The following CDC42BPB variants were observed in gnomAD, a reference collection of about 807,000 sequenced individuals.
The protein encoded by CDC42BPB is serine/threonine-protein kinase MRCK beta.
CDC42BPB carries 37 observed loss-of-function variants against 214.9 expected under a neutral mutation model. The ratio of observed to expected loss-of-function variants is 0.17; its 90% CI spans 0.13 to 0.23. CDC42BPB has a LOEUF of 0.23. Ranked by LOEUF, CDC42BPB falls within the 10% of genes least tolerant of loss-of-function variation. CDC42BPB has a pLI of 1.00. For synonymous variants in CDC42BPB, 931 were observed against 884.0 expected, an observed-to-expected ratio of 1.05 and a Z score of -0.94; for missense variants, 1,694 against 2,227.0, an observed-to-expected ratio of 0.76 and a Z score of 4.82.
At chr14:102,978,256 G>A (rs1255649664) in intron 8 of CDC42BPB, 51 bp from the exon 9 acceptor site, 4 of 1,602,932 alleles carry the variant, frequency 2.5e-6, no homozygotes, top group Admixed American at 1.7e-5. Context: ...AAACAAACAG[G>A]TAAAAAGAGG....
At position 102,997,873 on chromosome 14, in the gene CDC42BPB, G is replaced by A. The variant is rs981146982; in HGVS notation, c.596+1692C>T. Among the ~76,000 whole-genome samples the A allele has an allele frequency of 4.6e-5, 7 of 152,188 alleles. No homozygotes were observed. The East Asian group carries it at 5.8e-4, about 13-fold the overall frequency. ...ATCAGGATGACGTGGAGCCGGGCGC[G>A]GTGGCTCACGCCTGTAATCCCAGCA... On this transcript the variant is annotated intron_variant, in intron 5 of 36. Coordinates refer to ENST00000361246, the MANE Select transcript of CDC42BPB (RefSeq NM_006035.4).
chr14:102,987,726 A>AT (rs1180946686), intron 5 of CDC42BPB, among the ~76,000 whole-genome samples: 1 of 152,100 alleles, frequency 6.6e-6, no homozygotes, highest in Non-Finnish European at 1.5e-5. Flanking sequence ...AAAATAAAAT[A>AT]TCCTCAAATA....
chr14:102,999,891 G>A lies in CDC42BPB; in HGVS notation c.448-178C>T, dbSNP rs977823894. On this transcript the variant is annotated intron_variant, in intron 4 of 36. Transcript: ENST00000361246. Reference sequence around the variant, plus strand: ...GGAACATGCGCCCCGATGCGTCCACGACGCCGCCATCTTCAGGGGTGCATA... The same window carrying A: ...GGAACATGCGCCCCGATGCGTCCACAACGCCGCCATCTTCAGGGGTGCATA... 11 of 985,312 alleles carry A rather than the reference G, an allele frequency of 1.1e-5. No homozygotes were observed. The East Asian group carries it at 3.4e-4, about 30-fold the overall frequency. The allele number at this position is 985,312 out of a possible 1,614,324, so 61.0% of individuals were successfully genotyped here. A position where few individuals can be genotyped will look rare whatever the true frequency, so the allele number is the denominator to read the frequency against.
At chr14:102,995,269 G>A (rs749676576) in intron 5 of CDC42BPB, among the ~76,000 whole-genome samples, 1 of 151,886 alleles carries the variant, frequency 6.6e-6, no homozygotes, top group Non-Finnish European at 1.5e-5. Flanking sequence ...CCACTTCACG[G>A]GTTCAAGCAG....
intron 3 of CDC42BPB, among the ~76,000 whole-genome samples, chr14:103,006,060 G>A (rs1216651332): frequency 6.6e-6 from 1 of 150,924 alleles, no homozygotes; most frequent in Admixed American, 6.6e-5. Flanking sequence ...CTGTGTCCCA[G>A]TTCTACTAAT....
Position 102,933,377 on chromosome 14 carries a change from G to A in CDC42BPB, c.*335C>T, listed in dbSNP as rs919628772. Reference sequence around the variant, plus strand: ...CCAGATGTCTGCTTCCGAAGCAGCCGCGTCATGACGGGTTTCTGCTGAGGA... The same window carrying A: ...CCAGATGTCTGCTTCCGAAGCAGCCACGTCATGACGGGTTTCTGCTGAGGA... On this transcript the variant is annotated 3_prime_UTR_variant, in exon 37 of 37. Coordinates refer to ENST00000361246, the MANE Select transcript of CDC42BPB (RefSeq NM_006035.4). 1.3e-4 allele frequency: 30 copies of A among 231,992 alleles called. No individual in the cohort carries two copies. Among genetic ancestry groups the A allele is most frequent in the African/African-American group, 6.1e-4 (27 of 44,410 alleles). The allele number at this position is 231,992 out of a possible 1,614,324, so 14.4% of individuals were successfully genotyped here. A position where few individuals can be genotyped will look rare whatever the true frequency, so the allele number is the denominator to read the frequency against.
intron 2 of CDC42BPB, among the ~76,000 whole-genome samples, chr14:103,011,675 CAA>C (rs1886168039): frequency 6.6e-6 from 1 of 152,174 alleles, no homozygotes; most frequent in Non-Finnish European, 1.5e-5. Flanking sequence ...ACCCAGAAGG[CAA>C]AGGTTGCCGT....
rs565135277 is a variant in CDC42BPB, at chr14:102,978,029, C to T, written c.1220+97G>A. ...AGTAATGGCCTCCCAGCGCACACAC[C>T]ACCCACTAGCCCGCCCCCAGGGACA... is the stretch of plus-strand genomic sequence containing the variant. On this transcript the variant is annotated intron_variant, in intron 9 of 36. Coordinates refer to ENST00000361246, the MANE Select transcript of CDC42BPB (RefSeq NM_006035.4). 7.6e-6 allele frequency: 7 copies of T among 919,200 alleles called. No homozygotes were observed. The African/African-American group carries it at 1.1e-4, about 15-fold the overall frequency. 56.9% of individuals were successfully genotyped at this position (919,200 alleles called of 1,614,324 possible). A position where few individuals can be genotyped will look rare whatever the true frequency, so the allele number is the denominator to read the frequency against.
intron 1 of CDC42BPB, among the ~76,000 whole-genome samples, chr14:103,021,240 C>CACGA (rs1477727865): frequency 6.6e-6 from 1 of 152,182 alleles, no homozygotes; most frequent in Non-Finnish European, 1.5e-5. Flanking sequence ...GCGAGTGGAT[C>CACGA]ACGAGGTCAG....
At chr14:102,959,440 C>T (rs1045685543) in intron 21 of CDC42BPB, among the ~76,000 whole-genome samples, 191 bp downstream of exon 21, 1 of 152,158 alleles carries the variant, frequency 6.6e-6, no homozygotes, top group African/African-American at 2.4e-5. Flanking sequence ...CCCTAAATGT[C>T]TGTCACCTGA....
At position 103,004,402 on chromosome 14, in the gene CDC42BPB, G is replaced by A. The variant is rs1247807655; in HGVS notation, c.352-379C>T. ...GTATCGATGGCATGGGCAGCCCCAC[G>A]TGTCTGCCCTCTCCGTCCTATACCC... On this transcript the variant is annotated intron_variant, in intron 3 of 36. Coordinates refer to ENST00000361246, the MANE Select transcript of CDC42BPB (RefSeq NM_006035.4). This position sits in a 1 kb window ranked among gnomAD's most constrained non-coding sequence, Gnocchi z 5.3. The A allele has an allele frequency of 3.0e-5, 6 of 199,490 alleles. No homozygotes were observed. The highest frequency in any genetic ancestry group is 3.1e-5 in the Non-Finnish European group (3 of 97,628). The allele number at this position is 199,490 out of a possible 1,614,324, so 12.4% of individuals were successfully genotyped here. A position where few individuals can be genotyped will look rare whatever the true frequency, so the allele number is the denominator to read the frequency against.
chr14:103,021,587 G>A (rs1018998573), intron 1 of CDC42BPB, among the ~76,000 whole-genome samples: 4 of 151,986 alleles, frequency 2.6e-5, no homozygotes. Context: ...GGAGGCTGAG[G>A]CAGAATCGCT....
rs147469819 is a variant in CDC42BPB at position 103,006,285 on chromosome 14, C to T, written c.351+2187G>A. ...GAAATGGTGATGGAGTGCTGAGTCC[C>T]AGGTGAGGTGAGACCGTGGGCTCAG... On this transcript the variant is annotated intron_variant, in intron 3 of 36. Coordinates refer to ENST00000361246, the MANE Select transcript of CDC42BPB (RefSeq NM_006035.4). Among the ~76,000 whole-genome samples the T allele has an allele frequency of 1.6e-3, 249 of 152,352 alleles. 2 individuals carry two copies. The highest frequency in any genetic ancestry group is 5.8e-3 in the African/African-American group (241 of 41,588).
chr14:103,018,093 G>T (rs1428041632), intron 1 of CDC42BPB, among the ~76,000 whole-genome samples: 2 of 152,188 alleles, frequency 1.3e-5, no homozygotes, highest in African/African-American at 4.8e-5. Flanking sequence ...CTCATAAGCA[G>T]CATGCAACAT....
intron 34 of CDC42BPB, 51 bp downstream of exon 34, chr14:102,939,559 G>A: frequency 7.7e-7 from 1 of 1,300,672 alleles, no homozygotes; most frequent in Non-Finnish European, 1.1e-6. Context: ...TGCCTGAGCG[G>A]GGAGGAGGAG....
At chr14:103,009,696 C>CAGGA (rs1305017471) in intron 2 of CDC42BPB, among the ~76,000 whole-genome samples, 1 of 152,234 alleles carries the variant, frequency 6.6e-6, no homozygotes, top group African/African-American at 2.4e-5. Flanking sequence ...CTCTCCCTCC[C>CAGGA]TCCTAAATGC....
chr14:103,014,245 A>G (rs1416562448), intron 1 of CDC42BPB, among the ~76,000 whole-genome samples: 1 of 150,714 alleles, frequency 6.6e-6, no homozygotes, highest in Non-Finnish European at 1.5e-5. Flanking sequence ...AGGCAAGGCC[A>G]GGACTGGAGC....
chr14:102,961,427 C>T (rs1892954582), intron 20 of CDC42BPB, among the ~76,000 whole-genome samples: 1 of 151,934 alleles, frequency 6.6e-6, no homozygotes, highest in African/African-American at 2.4e-5. Flanking sequence ...CTCTGCCTCC[C>T]AGGTTCAAGC....
In CDC42BPB at chr14:102,959,689, T is replaced by C. The variant is rs777516650; in HGVS notation, c.2843A>G (p.Gln948Arg). Residue 948 changes from glutamine (Q) to arginine (R), a missense_variant, in exon 21 of 37, where the codon CAG (glutamine) becomes CGG (arginine). By Grantham distance (43) the Gln-to-Arg change is conservative. This residue lies in a region of CDC42BPB where 156 missense variants were observed against 154.5 expected (regional missense o/e 1.01). Coordinates refer to ENST00000361246, the MANE Select transcript of CDC42BPB (RefSeq NM_006035.4). ...ADTGLKLPDF[Q>R]DSIFEYFNTA... The stretch of plus-strand genomic sequence containing the variant: ...GTTGAAATACTCAAAAATGGAATCC[T>C]GAAAATCTGGAAGTTTGAGCCCTGC... 7.4e-6 allele frequency: 12 copies of C among 1,612,294 alleles called. No homozygotes were observed. Among genetic ancestry groups the C allele is most frequent in the Non-Finnish European group, 1.0e-5 (12 of 1,179,482 alleles).
Sources: gnomAD v4.1 joint callset for allele counts (sites outside exome capture counted in the v4.1 genomes callset) on GRCh38, gnomAD v4.1.1 for gene constraint, gnomAD v4.1.1 regional missense constraint, Gnocchi (gnomAD v3.1) non-coding constraint, MANE v1.5 for transcripts, NCBI Gene and HGNC (gene_info 2026-07-23, HGNC 2026-07-21) for gene names.